Variants in GRIP1 observed in about 807,000 individuals in gnomAD.
The protein encoded by GRIP1 is glutamate receptor interacting protein 1.
In GRIP1, 45 loss-of-function variants were observed where a neutral mutation model predicts 129.9. The ratio of observed to expected loss-of-function variants is 0.35; its 90% CI spans 0.27 to 0.44. The LOEUF is 0.44. GRIP1 is among the 20% of genes least tolerant of loss of function. The pLI is 1.00. For synonymous variants in GRIP1, 530 were observed against 520.8 expected (o/e 1.02, Z -0.24); for missense variants, 1,196 against 1,396.8 (o/e 0.86, Z 2.29).
chr12:66,601,628 T>G (rs1193947694), intron 1 of GRIP1, among the ~76,000 whole-genome samples: 1 of 152,196 alleles, frequency 6.6e-6, no homozygotes, highest in Non-Finnish European at 1.5e-5. Context: ...TTGAGGCACC[T>G]GCTAAGCCAG....
intron 2 of GRIP1, among the ~76,000 whole-genome samples, chr12:66,546,215 T>C (rs2061940725): frequency 2.0e-5 from 3 of 152,146 alleles, no homozygotes; most frequent in African/African-American, 7.2e-5. Flanking sequence ...GTAGGCCAGG[T>C]GCAGTGGCTC....
intron 1 of GRIP1, among the ~76,000 whole-genome samples, chr12:67,062,427 T>G (rs935784411): frequency 1.3e-5 from 2 of 152,190 alleles, no homozygotes; most frequent in African/African-American, 4.8e-5. Flanking sequence ...TGCCTGAAAT[T>G]CCTTTCCTTC....
chr12:66,993,072 T>C (rs2042417766), intron 1 of GRIP1, among the ~76,000 whole-genome samples: 1 of 151,294 alleles, frequency 6.6e-6, no homozygotes, highest in Admixed American at 6.6e-5. Flanking sequence ...TGAGAGGGTG[T>C]TACTGCACTC....
chr12:66,494,070 C>G (rs1451739114), intron 7 of GRIP1, among the ~76,000 whole-genome samples: 1 of 152,118 alleles, frequency 6.6e-6, no homozygotes, highest in Non-Finnish European at 1.5e-5. Flanking sequence ...TAACTTGAAT[C>G]AATAAAAATA....
intron 7 of GRIP1, among the ~76,000 whole-genome samples, chr12:66,493,103 A>G (rs1393505253): frequency 6.6e-6 from 1 of 152,216 alleles, no homozygotes; most frequent in East Asian, 1.9e-4. Context: ...TAGTGAGTTT[A>G]CAAAGTGCTT....
intron 1 of GRIP1, among the ~76,000 whole-genome samples, chr12:66,924,094 C>A (rs529328701): frequency 6.6e-6 from 1 of 152,154 alleles, no homozygotes; most frequent in Admixed American, 6.5e-5. Flanking sequence ...ATTCACCCCC[C>A]TCGGCCTCCC....
intron 12 of GRIP1, 48 bp downstream of exon 12, chr12:66,445,274 A>G: frequency 6.9e-7 from 1 of 1,442,810 alleles, no homozygotes; most frequent in East Asian, 2.3e-5. Context: ...GATAGCAGGT[A>G]CCAGAAACGC....
chr12:67,013,126 A>C (rs1331168787), intron 1 of GRIP1, among the ~76,000 whole-genome samples: 2 of 152,216 alleles, frequency 1.3e-5, no homozygotes, highest in Non-Finnish European at 2.9e-5. Flanking sequence ...TTTGTTGAGG[A>C]AAGAAAATAT....
At chr12:66,586,288 A>G (rs11176288) in intron 2 of GRIP1, among the ~76,000 whole-genome samples, 37,405 of 151,978 alleles carry the variant, frequency 0.25, 4,742 homozygotes, top group Admixed American at 0.28. Context: ...CATCATCAAT[A>G]TTTGACCTAG....
At chr12:67,058,668 G>A (rs190815248) in intron 1 of GRIP1, among the ~76,000 whole-genome samples, 15 of 152,336 alleles carry the variant, frequency 9.8e-5, no homozygotes, top group African/African-American at 3.1e-4. Context: ...AGAAGGTGCT[G>A]TTCAAAACTA....
chr12:66,905,003 A>G (rs2040907476), intron 1 of GRIP1, among the ~76,000 whole-genome samples: 1 of 152,206 alleles, frequency 6.6e-6, no homozygotes, highest in Admixed American at 6.5e-5. Flanking sequence ...TCCTCAACAA[A>G]GGAGATTTCA....
intron 1 of GRIP1, among the ~76,000 whole-genome samples, chr12:66,858,774 T>C: frequency 6.6e-6 from 1 of 151,782 alleles, no homozygotes; most frequent in East Asian, 1.9e-4. Flanking sequence ...TATTAAGAAT[T>C]AAAGATGAGC....
chr12:66,965,181 A>C (rs569462781), intron 1 of GRIP1, among the ~76,000 whole-genome samples: 1 of 151,106 alleles, frequency 6.6e-6, no homozygotes, highest in East Asian at 1.9e-4. Flanking sequence ...GCCCTAAAAA[A>C]CTCCCCATTC....
At chr12:66,608,651 GA>G (rs2064652668) in intron 1 of GRIP1, among the ~76,000 whole-genome samples, 1 of 152,078 alleles carries the variant, frequency 6.6e-6, no homozygotes, top group African/African-American at 2.4e-5. Flanking sequence ...TTTTTGTATG[GA>G]CAACATCAAC....
chr12:66,557,890 A>G lies in GRIP1; in HGVS notation c.137-15940T>C, dbSNP rs557276583. On this transcript the variant is annotated intron_variant, in intron 2 of 24. Coordinates refer to ENST00000359742, the MANE Select transcript of GRIP1 (RefSeq NM_001366722.1). ...AAAACCTTCAAATAAACAACCTAAG[A>G]ATGCATCTTAAAGAACTAGAAAAGC... is the stretch of plus-strand genomic sequence containing the variant. Among the ~76,000 whole-genome samples the G allele has an allele frequency of 3.3e-4, 51 of 152,292 alleles. 1 individual carries two copies. Among genetic ancestry groups the G allele is most frequent in the African/African-American group, 1.2e-3 (48 of 41,572 alleles).
intron 1 of GRIP1, among the ~76,000 whole-genome samples, chr12:66,645,882 T>C (rs971424151): frequency 1.3e-5 from 2 of 152,194 alleles, no homozygotes; most frequent in Non-Finnish European, 2.9e-5. Context: ...AGGAGGCTCA[T>C]AGTTTAAGTG....
chr12:66,435,405 T>C (rs978916344), intron 13 of GRIP1, among the ~76,000 whole-genome samples: 2 of 152,156 alleles, frequency 1.3e-5, no homozygotes, highest in Admixed American at 6.5e-5. Context: ...GTTTCCGCCA[T>C]GTTGCCTAGG....
chr12:66,884,100 T>C (rs1202346186), intron 1 of GRIP1, among the ~76,000 whole-genome samples: 2 of 152,224 alleles, frequency 1.3e-5, no homozygotes, highest in African/African-American at 4.8e-5. Context: ...ACTCAAGCCA[T>C]ATGTGAGTGC....
At chr12:66,446,370 G>T (rs2058629753) in intron 11 of GRIP1, among the ~76,000 whole-genome samples, 1 of 151,960 alleles carries the variant, frequency 6.6e-6, no homozygotes, top group Non-Finnish European at 1.5e-5. Context: ...TCTGCCTGCA[G>T]GTCCTATGCT....
Sources: gnomAD v4.1 joint callset for allele counts (sites outside exome capture counted in the v4.1 genomes callset) on GRCh38, gnomAD v4.1.1 for gene constraint, MANE v1.5 for transcripts, NCBI Gene and HGNC (gene_info 2026-07-23, HGNC 2026-07-21) for gene names.